ZNF567: variants seen among roughly 807,000 people sequenced by gnomAD.
The protein encoded by ZNF567 is zinc finger protein 567.
A neutral mutation model predicts 53.9 loss-of-function variants in ZNF567; 36 were observed. The ratio of observed to expected loss-of-function variants is 0.67; its 90% CI spans 0.51 to 0.88. The LOEUF (loss-of-function observed/expected upper bound fraction) is 0.88, where lower values mean the gene tolerates loss of function less well. Ranked by LOEUF, ZNF567 falls within the 40% of genes least tolerant of loss-of-function variation. ZNF567 has a pLI of 0.00. For missense variants in ZNF567, 619 were observed against 764.7 expected (o/e 0.81, Z 2.25); for synonymous variants, 224 against 260.4 (o/e 0.86, Z 1.35).
At chr19:36,725,149 G>C (rs1056554155), downstream of ZNF567, among the ~76,000 whole-genome samples, 1 of 151,750 alleles carries the variant, frequency 6.6e-6, no homozygotes, top group Non-Finnish European at 1.5e-5. Context: ...TAAAAATATG[G>C]TATTTCTGTC....
rs753997255 is a variant in ZNF567 at position 36,712,543 on chromosome 19, G to A, written c.136+31G>A. The A allele has an allele frequency of 1.9e-6, 3 of 1,613,494 alleles. No individual in the cohort carries two copies. The African/African-American group carries it at 4.0e-5, about 22-fold the overall frequency. The stretch of plus-strand genomic sequence containing the variant: ...AAAAATCCTCTTTGAAACTTTAGTA[G>A]CATGCACTTCCTCTCAAAGTGCCTA... On this transcript the variant is annotated intron_variant, in intron 4 of 5. Transcript: ENST00000682579.
At chr19:36,683,954 T>C (rs1311549651), upstream of ZNF567, among the ~76,000 whole-genome samples, 4 of 152,216 alleles carry the variant, frequency 2.6e-5, no homozygotes, top group Non-Finnish European at 5.9e-5. Flanking sequence ...TTGATATAGA[T>C]GTGTAAACAG....
At chr19:36,715,905 T>A (rs1955714870) in intron 5 of ZNF567, among the ~76,000 whole-genome samples, 1 of 152,220 alleles carries the variant, frequency 6.6e-6, no homozygotes, top group African/African-American at 2.4e-5. Flanking sequence ...ATGGATCTCT[T>A]CACAATTTGT....
At chr19:36,698,643 T>A (rs989704510) in intron 3 of ZNF567, among the ~76,000 whole-genome samples, 5 of 151,194 alleles carry the variant, frequency 3.3e-5, no homozygotes, top group African/African-American at 1.2e-4. Flanking sequence ...GGTATCTCAT[T>A]GTGGTTTTGA....
At chr19:36,723,778 G>A (rs2040322498), downstream of ZNF567, among the ~76,000 whole-genome samples, 1 of 152,088 alleles carries the variant, frequency 6.6e-6, no homozygotes. Context: ...AGGTTGCAGT[G>A]AGCCAAGATG....
intron 3 of ZNF567, chr19:36,703,598 C>T (rs7251795): frequency 0.62 from 95,396 of 152,796 alleles, 29,897 homozygotes; most frequent in East Asian, 0.8. Flanking sequence ...TCGAGCTTCC[C>T]GGCTGCTTTG....
downstream of ZNF567, among the ~76,000 whole-genome samples, chr19:36,726,525 A>C (rs923396059): frequency 6.6e-6 from 1 of 152,150 alleles, no homozygotes; most frequent in Non-Finnish European, 1.5e-5. Context: ...GTTAGGTGTG[A>C]CTGAGGAGTT....
chr19:36,721,965 G>A (rs1159058184), downstream of ZNF567, among the ~76,000 whole-genome samples: 31 of 151,892 alleles, frequency 2.0e-4, no homozygotes, highest in Admixed American at 1.8e-3. Context: ...GACTGGTCTC[G>A]AACTCCTGAC....
intron 3 of ZNF567, chr19:36,711,411 C>T (rs2039780889): frequency 6.6e-6 from 1 of 152,078 alleles, no homozygotes; most frequent in African/African-American, 2.4e-5. Context: ...TTTCAGGTAC[C>T]ATGATGCAAA....
chr19:36,667,483 C>CAG, the ZNF567 span, among the ~76,000 whole-genome samples: 1 of 151,916 alleles, frequency 6.6e-6, no homozygotes, highest in Non-Finnish European at 1.5e-5. Flanking sequence ...GCCTGGGCGA[C>CAG]AGAGCAACTC....
upstream of ZNF567, chr19:36,687,379 C>G (rs1367925547): frequency 2.6e-5 from 4 of 152,438 alleles, no homozygotes; most frequent in African/African-American, 9.6e-5. Context: ...GTCTGCGTCC[C>G]GGGAGCTCGG....
At chr19:36,668,878 T>C in the ZNF567 span, 8 of 152,170 alleles carry the variant, frequency 5.3e-5, no homozygotes, top group Non-Finnish European at 7.3e-5. Flanking sequence ...GAGTGAAATA[T>C]ATGACGTACA....
the ZNF567 span, among the ~76,000 whole-genome samples, chr19:36,680,021 G>A: frequency 6.6e-6 from 1 of 152,048 alleles, no homozygotes; most frequent in Non-Finnish European, 1.5e-5. Context: ...TTGAGGTAAC[G>A]GATATGCTAA....
At chr19:36,668,641 G>C in the ZNF567 span, 2 of 152,256 alleles carry the variant, frequency 1.3e-5, no homozygotes, top group African/African-American at 4.8e-5. Context: ...TTGTGTGTGA[G>C]AGTCCAGAGC....
chr19:36,720,769 A>G lies in ZNF567; in HGVS notation c.*101A>G, dbSNP rs2040274560. ...CATGTTAATGTAATTTTAAATCACAAGTCTAATAATTATTAAAGTACCATA... is the reference window on the plus strand; with the variant it reads ...CATGTTAATGTAATTTTAAATCACAGGTCTAATAATTATTAAAGTACCATA... On this transcript the variant is annotated 3_prime_UTR_variant, in exon 6 of 6. Coordinates refer to ENST00000682579, the MANE Select transcript of ZNF567 (RefSeq NM_001322917.1). 1 of 1,070,548 alleles carries G rather than the reference A, an allele frequency of 9.3e-7. No homozygotes were observed. The highest frequency in any genetic ancestry group is 2.1e-5 in the South Asian group (1 of 48,774). 66.3% of individuals were successfully genotyped at this position (1,070,548 alleles called of 1,614,324 possible). A position where few individuals can be genotyped will look rare whatever the true frequency, so the allele number is the denominator to read the frequency against.
intron 3 of ZNF567, among the ~76,000 whole-genome samples, chr19:36,706,339 G>C (rs1309799577): frequency 6.6e-6 from 1 of 152,190 alleles, no homozygotes; most frequent in Non-Finnish European, 1.5e-5. Flanking sequence ...TGTAGCCCAG[G>C]CTGGATTTCA....
chr19:36,723,192 G>A (rs1201627924), downstream of ZNF567: 2 of 702,860 alleles, frequency 2.8e-6, no homozygotes, highest in Middle Eastern at 2.3e-4. Flanking sequence ...TTTCTAGGTG[G>A]AGAGGATGGC....
intron 3 of ZNF567, among the ~76,000 whole-genome samples, chr19:36,701,365 G>T (rs1203163793): frequency 1.3e-5 from 2 of 151,320 alleles, no homozygotes; most frequent in African/African-American, 4.9e-5. Context: ...TTTTGGAATA[G>T]GTGTGGTGTG....
chr19:36,706,115 A>T (rs1332496765), intron 3 of ZNF567, among the ~76,000 whole-genome samples: 1 of 152,144 alleles, frequency 6.6e-6, no homozygotes, highest in Non-Finnish European at 1.5e-5. Context: ...TCTGCTTCCA[A>T]GATGGCACCT....
Sources: allele counts gnomAD v4.1 joint callset (sites outside exome capture counted in the v4.1 genomes callset), GRCh38; gene constraint gnomAD v4.1.1; transcripts MANE v1.5; gene names NCBI Gene and HGNC (gene_info 2026-07-23, HGNC 2026-07-21).